The following POLE variants were observed in gnomAD, a reference collection of about 807,000 sequenced individuals.
The protein encoded by POLE is DNA polymerase epsilon catalytic subunit A.
Under a neutral mutation model 279.2 loss-of-function variants are expected in POLE, and 188 were observed. The ratio of observed to expected loss-of-function variants is 0.67; its 90% CI spans 0.60 to 0.76. POLE has a LOEUF of 0.76. Ranked by LOEUF, POLE falls within the 30% of genes least tolerant of loss-of-function variation. The pLI is 0.00. For missense variants in POLE, 2,703 were observed against 3,016.7 expected, an observed-to-expected ratio of 0.90 and a Z score of 2.44; for synonymous variants, 1,214 against 1,172.5, an observed-to-expected ratio of 1.04 and a Z score of -0.72.
At chr12:132,663,096 C>G (rs2042715383) in intron 23 of POLE, among the ~76,000 whole-genome samples, 1 of 152,200 alleles carries the variant, frequency 6.6e-6, no homozygotes. Flanking sequence ...TGGGCAGAAG[C>G]TTATGGAGCA....
At chr12:132,679,346 C>G (rs949262399) in intron 6 of POLE, 151 bp downstream of exon 6, 4 of 714,722 alleles carry the variant, frequency 5.6e-6, no homozygotes, top group Non-Finnish European at 9.3e-6. Flanking sequence ...TTATTTAACA[C>G]AGAACATACA....
At position 132,638,697 on chromosome 12, in the gene POLE, T is replaced by C. The variant is rs2042081915; in HGVS notation, c.5552+428A>G. ...TGCAAGAGGGCTACGCCCCAGCAATTACCCCACGGATCTATCTGCATGAGC... is the reference window on the plus strand; with the variant it reads ...TGCAAGAGGGCTACGCCCCAGCAATCACCCCACGGATCTATCTGCATGAGC... On this transcript the variant is annotated intron_variant, in intron 40 of 48. Transcript: ENST00000320574. 7 of 182,878 alleles carry C rather than the reference T, an allele frequency of 3.8e-5. No individual in the cohort carries two copies. In the South Asian group the frequency reaches 8.4e-4, roughly 22 times the overall value. 11.3% of individuals were successfully genotyped at this position (182,878 alleles called of 1,614,324 possible).
intron 16 of POLE, among the ~76,000 whole-genome samples, chr12:132,669,455 T>A (rs1440307855): frequency 6.7e-6 from 1 of 150,304 alleles, no homozygotes; most frequent in Non-Finnish European, 1.5e-5. Context: ...CAGAGCCAGA[T>A]CCTGTTTCAG....
At chr12:132,635,839 G>A (rs2138483702) in intron 42 of POLE, 53 bp downstream of exon 42, 2 of 1,568,604 alleles carry the variant, frequency 1.3e-6, no homozygotes. Context: ...CTTGCTGCAG[G>A]AATGAACGCG....
At chr12:132,658,081 A>C (rs2042586935) in intron 26 of POLE, 111 bp from the exon 27 acceptor site, 1 of 732,364 alleles carries the variant, frequency 1.4e-6, no homozygotes, top group Admixed American at 2.1e-5. Context: ...AGCTGTTCAC[A>C]AACATCAATG....
In POLE at chr12:132,642,349, G is replaced by T. The variant is rs112358554; in HGVS notation, c.5001C>A (p.Phe1667Leu). 6.3e-7 allele frequency: 1 copy of T among 1,588,786 alleles called. No homozygotes were observed. Among genetic ancestry groups the T allele is most frequent in the Admixed American group, 1.7e-5 (1 of 57,694 alleles). Residue 1667 changes from phenylalanine to leucine, a missense_variant, in exon 38 of 49, where the codon TTC (phenylalanine) becomes TTA (leucine). Transcript: ENST00000320574. ...GGCGGGCAAAGAAGAGGTCGGAGCC[G>T]AATGTGGAGATGTCCTCTGGTAGGT... Reference protein sequence around the residue: ...IGNLPEDISTFGSDLFFARHL... With the variant: ...IGNLPEDISTLGSDLFFARHL...
Position 132,624,885 on chromosome 12 carries a change from G to A in POLE, c.6747+20C>T, listed in dbSNP as rs1247037609. 3.1e-6 allele frequency: 5 copies of A among 1,609,576 alleles called. No homozygotes were observed. The highest frequency in any genetic ancestry group is 1.3e-5 in the African/African-American group (1 of 74,976). ...GCCAAGGAGGCCAGGCTGAGCCGAGGCAGATGAGGGAGAGCCCACCTGGGT... is the reference window on the plus strand; with the variant it reads ...GCCAAGGAGGCCAGGCTGAGCCGAGACAGATGAGGGAGAGCCCACCTGGGT... On this transcript the variant is annotated intron_variant, in intron 48 of 48. Coordinates refer to ENST00000320574, the MANE Select transcript of POLE (RefSeq NM_006231.4).
chr12:132,676,448 C>T, intron 9 of POLE, 98 bp downstream of exon 9: 3 of 844,700 alleles, frequency 3.6e-6, no homozygotes, highest in Non-Finnish European at 6.0e-6. Flanking sequence ...TCATTATTCA[C>T]TCAACAAATA....
chr12:132,667,219 G>C (rs1593789369), intron 20 of POLE, among the ~76,000 whole-genome samples: 1 of 152,102 alleles, frequency 6.6e-6, no homozygotes, highest in Non-Finnish European at 1.5e-5. Context: ...CGTAAAACTT[G>C]ATGTACTCAA....
Position 132,626,195 on chromosome 12 carries a change from G to T in POLE, c.6453C>A (p.Tyr2151Ter). 6.2e-7 allele frequency: 1 copy of T among 1,613,686 alleles called. No individual in the cohort carries two copies. Among genetic ancestry groups the T allele is most frequent in the South Asian group, 1.1e-5 (1 of 91,028 alleles). ...EAQFRDPCRS[Y>*]VLPEVICRSC... is the part of the protein sequence containing the mutation. ...TGCGGCAGATGACCTCAGGAAGCAC[G>T]TAGGAGCGGCAGGGGTCTCGGAACT... The change falls in exon 46 of 49, where the codon TAC becomes TAA. Residue 2151 changes from tyrosine (Y) to a stop codon, truncating the protein, a stop_gained. Coordinates refer to ENST00000320574, the MANE Select transcript of POLE (RefSeq NM_006231.4). LOFTEE classifies it high-confidence loss of function.
At chr12:132,660,884 T>C in intron 25 of POLE, 85 bp downstream of exon 25, 2 of 1,156,642 alleles carry the variant, frequency 1.7e-6, no homozygotes, top group African/African-American at 3.1e-5. Flanking sequence ...CACCTTGGTC[T>C]CCAGGAGCCC....
In POLE at chr12:132,639,190, G is replaced by C. The variant is rs746243658; in HGVS notation, c.5487C>G (p.Ser1829=). 1 of 1,614,146 alleles carries C rather than the reference G, an allele frequency of 6.2e-7. No individual in the cohort carries two copies. The highest frequency in any genetic ancestry group is 1.1e-5 in the South Asian group (1 of 91,086). ...GCAGGGCAGGGTCATGAAGCAGAGA[G>C]GATGGCGACCGAAGCCAGCGGTAGA... ...MHFYRWLRSP[S]SLLHDPALHR... Residue 1829 remains serine (S), a synonymous_variant, in exon 40 of 49, where the codon TCC becomes TCG. Transcript: ENST00000320574. The surrounding 1 kb of genome is among the most constrained non-coding windows in gnomAD (Gnocchi z 4.7).
At position 132,643,461 on chromosome 12, in the gene POLE, C is replaced by G. The variant is rs778717624; in HGVS notation, c.4390G>C (p.Ala1464Pro). ...HLSGWEAETF[A>P]LEHLEMRSLA... The stretch of plus-strand genomic sequence containing the variant: ...GAGCGCATCTCCAGGTGCTCAAGAG[C>G]AAAGGTCTCTGCTTCCCAGCCTGAA... Residue 1464 changes from alanine to proline, a missense_variant, in exon 34 of 49, where the codon GCT becomes CCT. Around this residue, in one of 5 missense-constraint regions of POLE, gnomAD observed 1,551 missense variants for 1,686.1 expected, o/e 0.92. Coordinates refer to ENST00000320574, the MANE Select transcript of POLE (RefSeq NM_006231.4). The G allele has an allele frequency of 4.3e-6, 7 of 1,614,234 alleles. No individual in the cohort carries two copies. Among genetic ancestry groups the G allele is most frequent in the Non-Finnish European group, 5.9e-6 (7 of 1,180,052 alleles).
rs201249963 is a variant in POLE, at chr12:132,660,975, G to A, written c.3054C>T (p.Tyr1018=). The change falls in exon 25 of 49, where the codon TAC becomes TAT. Residue 1018 remains tyrosine, a synonymous_variant. Coordinates refer to ENST00000320574, the MANE Select transcript of POLE (RefSeq NM_006231.4). The part of the protein sequence containing the change: ...KVADYWLDVL[Y]SKAANMPDSE... Reference sequence around the variant, plus strand: ...GTGGAGGGTAGGCCTTTACCTTGCTGTACAGCACGTCCAGCCAGTAGTCAG... The same window carrying A: ...GTGGAGGGTAGGCCTTTACCTTGCTATACAGCACGTCCAGCCAGTAGTCAG... The A allele has an allele frequency of 5.8e-5, 94 of 1,609,066 alleles. No homozygotes were observed. The highest frequency in any genetic ancestry group is 7.1e-5 in the Non-Finnish European group (84 of 1,177,642).
At chr12:132,653,265 C>T (rs922877418) in intron 29 of POLE, among the ~76,000 whole-genome samples, 1 of 152,130 alleles carries the variant, frequency 6.6e-6, no homozygotes, top group Non-Finnish European at 1.5e-5. Flanking sequence ...GTCTCAGCTA[C>T]TCAGGAGGCT....
intron 32 of POLE, among the ~76,000 whole-genome samples, chr12:132,646,826 A>G (rs1337053926): frequency 6.6e-6 from 1 of 151,954 alleles, no homozygotes; most frequent in Non-Finnish European, 1.5e-5. Flanking sequence ...GAGAAACTCC[A>G]TCTCAAAACA....
Position 132,643,350 on chromosome 12 carries a change from C to T in POLE, c.4445-20G>A, listed in dbSNP as rs200254130. The T allele has an allele frequency of 2.5e-6, 4 of 1,614,126 alleles. No individual in the cohort carries two copies. The highest frequency in any genetic ancestry group is 2.2e-5 in the East Asian group (1 of 44,884). On this transcript the variant is annotated intron_variant, in intron 34 of 48. Transcript: ENST00000320574. ...TACTCCCTGGAGAAGGAAACAAGAC[C>T]GTCACCCCAGATGTGTGGGAGGCAG... is the stretch of plus-strand genomic sequence containing the variant.
At chr12:132,630,817 A>G (rs1411985056) in intron 45 of POLE, among the ~76,000 whole-genome samples, 1 of 152,148 alleles carries the variant, frequency 6.6e-6, no homozygotes, top group Non-Finnish European at 1.5e-5. Context: ...CAATTTAAAA[A>G]CCCAATGATA....
At chr12:132,626,858 T>C (rs556635211) in intron 45 of POLE, among the ~76,000 whole-genome samples, 1 of 152,348 alleles carries the variant, frequency 6.6e-6, no homozygotes, top group African/African-American at 2.4e-5. Context: ...ATCTTGGAGA[T>C]ATGGCAAGTT....
Sources: gnomAD v4.1 joint callset for allele counts (sites outside exome capture counted in the v4.1 genomes callset) on GRCh38, gnomAD v4.1.1 for gene constraint, gnomAD v4.1.1 regional missense constraint, Gnocchi (gnomAD v3.1) non-coding constraint, MANE v1.5 for transcripts, NCBI Gene and HGNC (gene_info 2026-07-23, HGNC 2026-07-21) for gene names.